Variants in PPP1R13L observed in about 807,000 individuals in gnomAD.
The protein encoded by PPP1R13L is protein phosphatase 1 regulatory subunit 13 like.
In PPP1R13L, 50 loss-of-function variants were observed where a neutral mutation model predicts 80.9. The observed-to-expected ratio is 0.62, with a 90% CI of 0.49 to 0.78. PPP1R13L has a LOEUF of 0.78. Among genes scored for constraint, PPP1R13L ranks in the 30% least tolerant of loss-of-function variants. The pLI, the probability that PPP1R13L is intolerant of heterozygous loss-of-function variation, is 0.00. For missense variants in PPP1R13L, 1,200 were observed against 1,205.9 expected, an observed-to-expected ratio of 1.00 and a Z score of 0.07; for synonymous variants, 602 against 534.3, an observed-to-expected ratio of 1.13 and a Z score of -1.75.
chr19:45,391,140 G>A (rs1972964633), intron 8 of PPP1R13L, among the ~76,000 whole-genome samples: 1 of 151,586 alleles, frequency 6.6e-6, no homozygotes, highest in Admixed American at 6.6e-5. Context: ...GGAGGTTGCA[G>A]TGAGCCGAGG....
chr19:45,395,701 C>T lies in PPP1R13L; in HGVS notation c.1089G>A (p.Gly363=), dbSNP rs1387770238. The change falls in exon 7 of 13, where the codon GGG becomes GGA. Residue 363 remains glycine, a synonymous_variant. Transcript: ENST00000360957. ...GGGGGATGGGACGCTGGCGCGGGGC[C>T]CCGCGGGGCTGGGGGCTGGAGGGGG... ...PMPPSSPQPR[G]APRQRPIPLS... 1 of 1,445,588 alleles carries T rather than the reference C, an allele frequency of 6.9e-7. No homozygotes were observed. Among genetic ancestry groups the T allele is most frequent in the Non-Finnish European group, 9.0e-7 (1 of 1,109,800 alleles). The allele number at this position is 1,445,588 out of a possible 1,614,324, so 89.5% of individuals were successfully genotyped here. A position where few individuals can be genotyped will look rare whatever the true frequency, so the allele number is the denominator to read the frequency against.
Position 45,385,941 on chromosome 19 carries a change from T to C in PPP1R13L, c.1964A>G (p.Gln655Arg). Residue 655 changes from glutamine to arginine, a missense_variant, in exon 10 of 13, where the codon CAG becomes CGG. By Grantham distance (43) the Gln-to-Arg change is conservative. Coordinates refer to ENST00000360957, the MANE Select transcript of PPP1R13L (RefSeq NM_006663.4). ...QAVKEMNDPSQPNEEGITALH... is the reference protein window; with the variant it reads ...QAVKEMNDPSRPNEEGITALH... ...GGCAGTGATGCCCTCCTCGTTGGGC[T>C]GGCTCGGGTCGTTCATCTGAGTGCA... The C allele has an allele frequency of 6.2e-7, 1 of 1,611,862 alleles. No homozygotes were observed. Among genetic ancestry groups the C allele is most frequent in the African/African-American group, 1.3e-5 (1 of 74,850 alleles).
In PPP1R13L at chr19:45,396,284, C is replaced by A; in HGVS notation, c.812-25G>T. 1 of 1,613,350 alleles carries A rather than the reference C, an allele frequency of 6.2e-7. No individual in the cohort carries two copies. Among genetic ancestry groups the A allele is most frequent in the South Asian group, 1.1e-5 (1 of 91,060 alleles). On this transcript the variant is annotated intron_variant, in intron 5 of 12. Coordinates refer to ENST00000360957, the MANE Select transcript of PPP1R13L (RefSeq NM_006663.4). The surrounding 1 kb of genome is among the most constrained non-coding windows in gnomAD (Gnocchi z 5.3). ...CCTGCGGGGCGGGAATCATTAGGGTCTGTGGGGCTGCCTCTCCTCCGGGTC... is the reference window on the plus strand; with the variant it reads ...CCTGCGGGGCGGGAATCATTAGGGTATGTGGGGCTGCCTCTCCTCCGGGTC...
At chr19:45,390,866 G>A (rs754736672) in intron 8 of PPP1R13L, among the ~76,000 whole-genome samples, 52 of 152,068 alleles carry the variant, frequency 3.4e-4, no homozygotes, top group Non-Finnish European at 6.2e-4. Flanking sequence ...TTACAGGCGT[G>A]AGCCACCGCG....
At chr19:45,380,253 C>A (rs779190812) in intron 12 of PPP1R13L, 25 bp from the exon 13 acceptor site, 1 of 1,613,624 alleles carries the variant, frequency 6.2e-7, no homozygotes, top group Non-Finnish European at 8.5e-7. Context: ...GATCTTCAGA[C>A]ATCAGGAGCT....
chr19:45,397,876 T>A (rs1250187246), intron 3 of PPP1R13L, 129 bp downstream of exon 3: 1 of 1,285,902 alleles, frequency 7.8e-7, no homozygotes, highest in Non-Finnish European at 1.0e-6. Flanking sequence ...TGGTCCCCTT[T>A]TTTCAAGTTC....
chr19:45,395,482 G>T lies in PPP1R13L; in HGVS notation c.1308C>A (p.Thr436=). Residue 436 remains threonine (T), a synonymous_variant, in exon 7 of 13, where the codon ACC becomes ACA. Coordinates refer to ENST00000360957, the MANE Select transcript of PPP1R13L (RefSeq NM_006663.4). ...TCTGTTGGGGATGCTGGGGGGCTGG[G>T]GTAGGGGTTTGGGGTTGGGTCTGGG... ...PQPQTQPQTP[T]PAPQHPQQTW... is the part of the protein sequence containing the mutation. 1 of 1,487,448 alleles carries T rather than the reference G, an allele frequency of 6.7e-7. No individual in the cohort carries two copies. The highest frequency in any genetic ancestry group is 9.1e-7 in the Non-Finnish European group (1 of 1,103,584). 92.1% of individuals were successfully genotyped at this position (1,487,448 alleles called of 1,614,324 possible).
At chr19:45,381,931 C>G (rs2123343811) in intron 12 of PPP1R13L, among the ~76,000 whole-genome samples, 1 of 150,766 alleles carries the variant, frequency 6.6e-6, no homozygotes, top group South Asian at 2.1e-4. Context: ...CAAAGCAAGA[C>G]TCCATCTCAA....
At chr19:45,404,941 A>G in intron 1 of PPP1R13L, 58 bp downstream of exon 1, 1 of 960,084 alleles carries the variant, frequency 1.0e-6, no homozygotes, top group Non-Finnish European at 1.2e-6. Flanking sequence ...CAATCCTCCC[A>G]GGGACGCGGG....
chr19:45,390,835 C>T (rs993929315), intron 8 of PPP1R13L, among the ~76,000 whole-genome samples: 4 of 152,102 alleles, frequency 2.6e-5, no homozygotes, highest in Admixed American at 2.0e-4. Flanking sequence ...CCACCCACCT[C>T]GGCCTCCCAA....
chr19:45,388,737 C>CTTTTA (rs1384397307), intron 8 of PPP1R13L, among the ~76,000 whole-genome samples: 6 of 151,104 alleles, frequency 4.0e-5, no homozygotes, highest in South Asian at 2.1e-4. Context: ...GAAGAGTTTC[C>CTTTTA]TTTTATTTTA....
rs17855927 is a variant in PPP1R13L, at chr19:45,396,665, G to A, written c.592C>T (p.Pro198Ser). 6.8e-7 allele frequency: 1 copy of A among 1,460,238 alleles called. No individual in the cohort carries two copies. The allele number at this position is 1,460,238 out of a possible 1,614,324, so 90.5% of individuals were successfully genotyped here. Reference protein sequence around the residue: ...PLAEGPQAFFPERGPSPRPPA... With the variant: ...PLAEGPQAFFSERGPSPRPPA... ...GGGCGCGGTGACGGCCCACGCTCGG[G>A]GAAGAAGGCCTGGGGCCCCTCCGCC... Residue 198 changes from proline (P) to serine (S), a missense_variant, in exon 4 of 13, where the codon CCC becomes TCC. By Grantham distance (74) the Pro-to-Ser change is moderately conservative. Transcript: ENST00000360957. This position sits in a 1 kb window ranked among gnomAD's most constrained non-coding sequence, Gnocchi z 5.3.
In PPP1R13L at chr19:45,386,032, C is replaced by T. The variant is rs754606166; in HGVS notation, c.1947+17G>A. The T allele has an allele frequency of 6.9e-6, 11 of 1,587,898 alleles. No individual in the cohort carries two copies. The highest frequency in any genetic ancestry group is 8.5e-6 in the Non-Finnish European group (10 of 1,169,954). ...CGATGCCCCCGCCGTGCCCACCTCC[C>T]GCTCAGCAGCGCTCACCTCCTTCAC... On this transcript the variant is annotated intron_variant, in intron 9 of 12. Transcript: ENST00000360957.
At position 45,385,854 on chromosome 19, in the gene PPP1R13L, G is replaced by C. The variant is rs769029610; in HGVS notation, c.2051C>G (p.Ala684Gly). Residue 684 changes from alanine (A) to glycine (G), a missense_variant, in exon 10 of 13, where the codon GCC (alanine) becomes GGC (glycine). Ala to Gly is a moderately conservative substitution (Grantham distance 60). Coordinates refer to ENST00000360957, the MANE Select transcript of PPP1R13L (RefSeq NM_006663.4). ...GTGGCTGTCGGGGGAGTTGACATTG[G>C]CACCCGCGGTGATGAGGAAATCCAC... ...SIVDFLITAG[A>G]NVNSPDSHGW... 3.0e-5 allele frequency: 49 copies of C among 1,610,748 alleles called. No individual in the cohort carries two copies. The South Asian group carries it at 5.2e-4, about 17-fold the overall frequency.
intron 1 of PPP1R13L, among the ~76,000 whole-genome samples, chr19:45,399,084 C>A (rs900633583): frequency 1.3e-5 from 2 of 151,772 alleles, no homozygotes; most frequent in Non-Finnish European, 2.9e-5. Flanking sequence ...GCTGGGACTA[C>A]AGGCGCCTGC....
At chr19:45,405,928 C>A (rs999216741), upstream of PPP1R13L, among the ~76,000 whole-genome samples, 1 of 152,144 alleles carries the variant, frequency 6.6e-6, no homozygotes, top group Non-Finnish European at 1.5e-5. Flanking sequence ...GGAGGAGTCG[C>A]CGATCAGGTC....
chr19:45,392,439 T>C, intron 7 of PPP1R13L, 99 bp from the exon 8 acceptor site: 1 of 1,274,124 alleles, frequency 7.8e-7, no homozygotes, highest in Non-Finnish European at 1.1e-6. Flanking sequence ...CATGATTTTC[T>C]GTGTGACCTC....
rs1386695684 is a variant in PPP1R13L at position 45,396,830 on chromosome 19, G to T, written c.427C>A (p.Pro143Thr). The change falls in exon 4 of 13, where the codon CCC becomes ACC. Residue 143 changes from proline (P) to threonine (T), a missense_variant. By Grantham distance (38) the Pro-to-Thr change is conservative (BLOSUM62 -1). Coordinates refer to ENST00000360957, the MANE Select transcript of PPP1R13L (RefSeq NM_006663.4). The surrounding 1 kb of genome is among the most constrained non-coding windows in gnomAD (Gnocchi z 5.3). ...CTGCCTGCGCCATCGAAGGCGCGGG[G>T]CCGGGGCGAGGTCGCGCGGTCCAGG... Reference protein sequence around the residue: ...GSLDRATSPRPRAFDGAGSSL... With the variant: ...GSLDRATSPRTRAFDGAGSSL... 4.7e-6 allele frequency: 7 copies of T among 1,485,982 alleles called. No homozygotes were observed. Among genetic ancestry groups the T allele is most frequent in the African/African-American group, 1.4e-5 (1 of 69,038 alleles). 92.0% of individuals were successfully genotyped at this position (1,485,982 alleles called of 1,614,324 possible). A position where few individuals can be genotyped will look rare whatever the true frequency, so the allele number is the denominator to read the frequency against.
At chr19:45,398,897 T>C (rs566034866) in intron 1 of PPP1R13L, among the ~76,000 whole-genome samples, 9 of 152,198 alleles carry the variant, frequency 5.9e-5, no homozygotes, top group Admixed American at 3.3e-4. Flanking sequence ...GGAATAACTA[T>C]GAATTACTGA....
Sources: allele counts gnomAD v4.1 joint callset (sites outside exome capture counted in the v4.1 genomes callset), GRCh38; gene constraint gnomAD v4.1.1; non-coding constraint Gnocchi (gnomAD v3.1); transcripts MANE v1.5; gene names NCBI Gene and HGNC (gene_info 2026-07-23, HGNC 2026-07-21).